Variants in FOCAD observed in about 807,000 individuals in gnomAD.
FOCAD encodes the protein focadhesin, also known as KIAA1797.
FOCAD carries 198 observed loss-of-function variants against 225.6 expected under a neutral mutation model. The ratio of observed to expected loss-of-function variants is 0.88; its 90% CI spans 0.78 to 0.99. The LOEUF (loss-of-function observed/expected upper bound fraction) is 0.99. Ranked by LOEUF, FOCAD falls within the 50% of genes least tolerant of loss-of-function variation. The pLI is 0.00. For missense variants in FOCAD, 2,713 were observed against 2,123.6 expected (o/e 1.28, Z -5.46); for synonymous variants, 897 against 755.0 (o/e 1.19, Z -3.08).
At chr9:20,764,541 C>T (rs997376032) in intron 6 of FOCAD, among the ~76,000 whole-genome samples, 1 of 152,246 alleles carries the variant, frequency 6.6e-6, no homozygotes, top group Non-Finnish European at 1.5e-5. Flanking sequence ...AGGCGTGAGC[C>T]TCCGTGCCCA....
At position 20,847,320 on chromosome 9, in the gene FOCAD, T is replaced by C. The variant is rs1002797995; in HGVS notation, c.1921-15258T>C. 3.3e-5 allele frequency among the ~76,000 whole-genome samples: 5 copies of C among 152,254 alleles called. No individual in the cohort carries two copies. In the East Asian group the frequency reaches 7.7e-4, roughly 23 times the overall value. ...TGGACATTTTATGTAAATGGAATCATACAGTATGTGGTATTTTGTGACTGG... is the reference window on the plus strand; with the variant it reads ...TGGACATTTTATGTAAATGGAATCACACAGTATGTGGTATTTTGTGACTGG... On this transcript the variant is annotated intron_variant, in intron 15 of 43. Transcript: ENST00000338382.
At chr9:20,905,277 C>A (rs1238936992) in intron 21 of FOCAD, among the ~76,000 whole-genome samples, 1 of 151,976 alleles carries the variant, frequency 6.6e-6, no homozygotes, top group East Asian at 1.9e-4. Flanking sequence ...GAGTTTATAA[C>A]CTCCTTTTAA....
chr9:20,718,194 G>T (rs1825491692), intron 3 of FOCAD, among the ~76,000 whole-genome samples: 1 of 152,314 alleles, frequency 6.6e-6, no homozygotes, highest in African/African-American at 2.4e-5. Context: ...ACCTCTGAGG[G>T]AATTATTTTG....
chr9:20,806,869 C>A (rs903530275), intron 11 of FOCAD, among the ~76,000 whole-genome samples: 1 of 152,084 alleles, frequency 6.6e-6, no homozygotes, highest in Admixed American at 6.6e-5. Context: ...TCATAGCACC[C>A]AGTATAATAA....
chr9:20,751,122 C>A (rs1828499841), intron 5 of FOCAD, among the ~76,000 whole-genome samples: 1 of 150,900 alleles, frequency 6.6e-6, no homozygotes, highest in African/African-American at 2.4e-5. Context: ...CAGTTCTTTT[C>A]CCTCACAATT....
intron 4 of FOCAD, among the ~76,000 whole-genome samples, chr9:20,722,385 C>A (rs1304615862): frequency 6.6e-6 from 1 of 152,236 alleles, no homozygotes; most frequent in Non-Finnish European, 1.5e-5. Flanking sequence ...CATGCTCCTT[C>A]CCCTTCTCTG....
chr9:20,948,372 G>T lies in FOCAD; in HGVS notation c.3777G>T (p.Trp1259Cys), dbSNP rs772225743. Residue 1259 changes from tryptophan to cysteine, a missense_variant, in exon 31 of 44, where the codon TGG becomes TGT. Physicochemically the swap from Trp to Cys is radical, Grantham distance 215 (BLOSUM62 -2). Transcript: ENST00000338382. Reference sequence around the variant, plus strand: ...TGGGCAGCAAACTACTCCCTGCCTGGATCAGAATTGTTCTAACAGAGGTAG... The same window carrying T: ...TGGGCAGCAAACTACTCCCTGCCTGTATCAGAATTGTTCTAACAGAGGTAG... ...EDLGSKLLPA[W>C]IRIVLTEGTP... 1.2e-6 allele frequency: 2 copies of T among 1,612,238 alleles called. No individual in the cohort carries two copies. Among genetic ancestry groups the T allele is most frequent in the Non-Finnish European group, 1.7e-6 (2 of 1,178,726 alleles).
chr9:20,978,811 G>A (rs1840434355), intron 37 of FOCAD, among the ~76,000 whole-genome samples: 1 of 152,160 alleles, frequency 6.6e-6, no homozygotes, highest in African/African-American at 2.4e-5. Flanking sequence ...TTAAGAGAAA[G>A]GAAATCCATA....
chr9:20,671,044 A>G (rs1374293011), intron 2 of FOCAD, among the ~76,000 whole-genome samples: 1 of 152,232 alleles, frequency 6.6e-6, no homozygotes, highest in Non-Finnish European at 1.5e-5. Flanking sequence ...TTAGAAAGAC[A>G]TATTTTTAGT....
At chr9:20,674,552 C>T (rs1249554801) in intron 2 of FOCAD, among the ~76,000 whole-genome samples, 1 of 152,074 alleles carries the variant, frequency 6.6e-6, no homozygotes, top group Non-Finnish European at 1.5e-5. Context: ...TTTTTAAGAC[C>T]CCTAGCAACC....
Position 20,870,244 on chromosome 9 carries a change from C to T in FOCAD, c.2190+3232C>T, listed in dbSNP as rs12683043. Among the ~76,000 whole-genome samples the T allele has an allele frequency of 1.7e-4, 26 of 152,144 alleles. No homozygotes were observed. In the East Asian group the frequency reaches 3.9e-3, roughly 23 times the overall value. On this transcript the variant is annotated intron_variant, in intron 18 of 43. Transcript: ENST00000338382. ...GGGTTGGTATAAATATGGTGTAACC[C>T]GTTTGGCTTTGATTTAAAGTGAATG... is the stretch of plus-strand genomic sequence containing the variant.
At chr9:20,957,334 C>T (rs373866257) in intron 35 of FOCAD, among the ~76,000 whole-genome samples, 144 of 152,194 alleles carry the variant, frequency 9.5e-4, no homozygotes, top group African/African-American at 3.3e-3. Flanking sequence ...GTTGGGATTA[C>T]AGGCATGAGC....
chr9:20,667,889 A>T (rs1821941893), intron 2 of FOCAD, among the ~76,000 whole-genome samples: 1 of 152,214 alleles, frequency 6.6e-6, no homozygotes, highest in South Asian at 2.1e-4. Context: ...CAAAAAGATC[A>T]TTCTGGTGTA....
At chr9:20,981,339 C>A in intron 37 of FOCAD, 87 bp from the exon 38 acceptor site, 1 of 1,455,426 alleles carries the variant, frequency 6.9e-7, no homozygotes, top group Non-Finnish European at 9.4e-7. Context: ...TCAGTCTACC[C>A]TCAAACACAG....
At chr9:20,810,393 A>G (rs184272698) in intron 11 of FOCAD, among the ~76,000 whole-genome samples, 2 of 152,262 alleles carry the variant, frequency 1.3e-5, no homozygotes, top group East Asian at 3.9e-4. Context: ...TGACAGACAT[A>G]GTAGTAGAAA....
intron 22 of FOCAD, 79 bp from the exon 23 acceptor site, chr9:20,912,787 T>C: frequency 2.7e-6 from 3 of 1,127,716 alleles, no homozygotes; most frequent in Non-Finnish European, 2.7e-6. Flanking sequence ...GAAAAGGATA[T>C]ATCTGTGTTT....
chr9:20,913,759 T>C (rs1437665052), intron 23 of FOCAD, among the ~76,000 whole-genome samples: 2 of 152,210 alleles, frequency 1.3e-5, no homozygotes, highest in East Asian at 1.9e-4. Context: ...CATTATGATA[T>C]TGGATTTAGG....
intron 15 of FOCAD, among the ~76,000 whole-genome samples, chr9:20,848,377 A>G (rs1257939381): frequency 6.6e-6 from 1 of 152,032 alleles, no homozygotes; most frequent in Non-Finnish European, 1.5e-5. Context: ...CTCATGGCCT[A>G]CAGTCAATAA....
At chr9:20,926,441 A>T (rs375065168) in intron 26 of FOCAD, 24 bp downstream of exon 26, 1 of 1,409,612 alleles carries the variant, frequency 7.1e-7, no homozygotes, top group African/African-American at 1.4e-5. Flanking sequence ...ATAAAAAATG[A>T]TCAGAAAACT....
Sources: gnomAD v4.1 joint callset for allele counts (sites outside exome capture counted in the v4.1 genomes callset) on GRCh38, gnomAD v4.1.1 for gene constraint, MANE v1.5 for transcripts, NCBI Gene and HGNC (gene_info 2026-07-23, HGNC 2026-07-21) for gene names.